Variants in ADAMTS17 observed in about 807,000 individuals in gnomAD.
ADAMTS17 encodes ADAM metallopeptidase with thrombospondin type 1 motif 17, also known as A disintegrin and metalloproteinase with thrombospondin motifs 17.
In ADAMTS17, 113 loss-of-function variants were observed where a neutral mutation model predicts 141.5. The ratio of observed to expected loss-of-function variants is 0.80; its 90% CI spans 0.69 to 0.93. ADAMTS17 has a LOEUF of 0.93. Among genes scored for constraint, ADAMTS17 ranks in the 40% least tolerant of loss-of-function variants. The probability of loss-of-function intolerance (pLI) is 0.00; values close to 1 mark genes in which losing one functional copy is unlikely to be tolerated. For missense variants in ADAMTS17, 1,659 were observed against 1,517.9 expected, an observed-to-expected ratio of 1.09 and a Z score of -1.54; for synonymous variants, 768 against 630.6, an observed-to-expected ratio of 1.22 and a Z score of -3.27.
intron 20 of ADAMTS17, among the ~76,000 whole-genome samples, chr15:99,984,460 G>A (rs777315109): frequency 8.5e-5 from 13 of 152,216 alleles, no homozygotes; most frequent in Admixed American, 2.0e-4. Flanking sequence ...CTTCGAACAC[G>A]TGAACACTTT....
chr15:100,020,165 C>G (rs886674996), intron 18 of ADAMTS17, among the ~76,000 whole-genome samples: 4 of 152,202 alleles, frequency 2.6e-5, no homozygotes, highest in Admixed American at 2.6e-4. Flanking sequence ...GCTGGCCCAG[C>G]TGCCCGGCCC....
At chr15:100,066,393 T>TA (rs397691753) in intron 15 of ADAMTS17, among the ~76,000 whole-genome samples, 105 of 152,078 alleles carry the variant, frequency 6.9e-4, no homozygotes, top group African/African-American at 1.1e-3. Context: ...TTTTTTTTTT[T>TA]AAATTATTTC....
At chr15:100,308,986 A>G (rs779390637) in intron 3 of ADAMTS17, among the ~76,000 whole-genome samples, 4 of 152,252 alleles carry the variant, frequency 2.6e-5, no homozygotes, top group Admixed American at 1.3e-4. Flanking sequence ...TCTGATTTTC[A>G]CAACTTAGAT....
At chr15:100,108,173 C>T (rs56077082) in intron 14 of ADAMTS17, among the ~76,000 whole-genome samples, 37,534 of 146,942 alleles carry the variant, frequency 0.26, 5,268 homozygotes, top group East Asian at 0.37. Context: ...TCTCGCATTC[C>T]TTTTTTTTTT....
intron 16 of ADAMTS17, among the ~76,000 whole-genome samples, chr15:100,053,685 A>G (rs561374552): frequency 8.0e-4 from 122 of 152,256 alleles, no homozygotes; most frequent in Admixed American, 2.2e-3. Context: ...AGGGGAAGCA[A>G]TGAGAGAATT....
Position 100,281,233 on chromosome 15 carries a change from T to C in ADAMTS17, c.785A>G (p.Asn262Ser). The change falls in exon 4 of 22, where the codon AAC (asparagine) becomes AGC (serine). Residue 262 changes from asparagine to serine, a missense_variant. By Grantham distance (46) the Asn-to-Ser change is conservative (BLOSUM62 1). Coordinates refer to ENST00000268070, the MANE Select transcript of ADAMTS17 (RefSeq NM_139057.4). The part of the protein sequence containing the change: ...AAQRFILTVM[N>S]MVYNMFQHQS... Reference sequence around the variant, plus strand: ...GGACCCCGGCTCCGGACTCACCATGTTCATGACGGTCAGGATGAACCTCTG... The same window carrying C: ...GGACCCCGGCTCCGGACTCACCATGCTCATGACGGTCAGGATGAACCTCTG... The C allele has an allele frequency of 1.9e-6, 3 of 1,604,828 alleles. No homozygotes were observed. The highest frequency in any genetic ancestry group is 2.2e-5 in the South Asian group (2 of 91,030).
chr15:100,142,016 T>C (rs58799298), intron 10 of ADAMTS17, among the ~76,000 whole-genome samples: 6,460 of 152,320 alleles, frequency 0.042, 166 homozygotes, highest in South Asian at 0.084. Flanking sequence ...CTCATTTAGA[T>C]GAGCAGTTTC....
At chr15:100,039,378 C>T (rs2031043242) in intron 18 of ADAMTS17, among the ~76,000 whole-genome samples, 1 of 152,144 alleles carries the variant, frequency 6.6e-6, no homozygotes, top group Admixed American at 6.5e-5. Context: ...TAAGTGTTTA[C>T]AGCCATAAAT....
At chr15:100,158,280 A>G (rs1002834152) in intron 8 of ADAMTS17, among the ~76,000 whole-genome samples, 5 of 152,204 alleles carry the variant, frequency 3.3e-5, no homozygotes, top group Non-Finnish European at 7.3e-5. Context: ...GTTTACTTAT[A>G]CACAAGTGCA....
At chr15:100,037,188 C>T (rs1473267781) in intron 18 of ADAMTS17, among the ~76,000 whole-genome samples, 2 of 152,162 alleles carry the variant, frequency 1.3e-5, no homozygotes, top group Non-Finnish European at 2.9e-5. Flanking sequence ...GTATGAAAGT[C>T]CTGACTTCTC....
intron 20 of ADAMTS17, among the ~76,000 whole-genome samples, chr15:99,983,183 C>G (rs1596151272): frequency 6.6e-6 from 1 of 152,168 alleles, no homozygotes; most frequent in Non-Finnish European, 1.5e-5. Context: ...CAGGGCCCAC[C>G]ACCTGCCTGT....
intron 18 of ADAMTS17, among the ~76,000 whole-genome samples, chr15:100,025,251 A>C (rs891683411): frequency 6.6e-6 from 1 of 152,132 alleles, no homozygotes. Context: ...TTTTGTCTAA[A>C]GTTAGGATTG....
intron 18 of ADAMTS17, among the ~76,000 whole-genome samples, chr15:100,025,313 G>A (rs1347874492): frequency 1.3e-5 from 2 of 151,708 alleles, no homozygotes; most frequent in Non-Finnish European, 2.9e-5. Context: ...TTTATTTTTA[G>A]CCTTTTTGAA....
intron 10 of ADAMTS17, among the ~76,000 whole-genome samples, chr15:100,139,215 T>C (rs2038498579): frequency 6.6e-6 from 1 of 152,044 alleles, no homozygotes; most frequent in Admixed American, 6.6e-5. Context: ...GGAGAAAATA[T>C]CCAAAATGTA....
intron 7 of ADAMTS17, among the ~76,000 whole-genome samples, chr15:100,230,252 C>G (rs4965603): frequency 0.41 from 62,304 of 152,178 alleles, 13,775 homozygotes; most frequent in Non-Finnish European, 0.5. Flanking sequence ...TTGCAGACCC[C>G]TATCTTTGTG....
In ADAMTS17 at chr15:100,228,039, C is replaced by CT. The variant is rs532070869; in HGVS notation, c.1075+26096dup. 6.0e-4 allele frequency among the ~76,000 whole-genome samples: 91 copies of CT among 152,342 alleles called. 2 individuals are homozygous for CT. The South Asian group carries it at 0.017, about 29-fold the overall frequency. ...AAAATCCACGACGCTTTGTGGAGCC[C>CT]TCAAGGCCCTGCAGATACAGCCCTG... On this transcript the variant is annotated intron_variant, in intron 7 of 21. Transcript: ENST00000268070.
chr15:100,238,316 C>G (rs77096245), intron 7 of ADAMTS17, among the ~76,000 whole-genome samples: 2 of 152,218 alleles, frequency 1.3e-5, no homozygotes, highest in African/African-American at 4.8e-5. Context: ...CAGCCTCCAT[C>G]CACACTCTAG....
At chr15:100,218,587 G>A (rs1226745918) in intron 7 of ADAMTS17, among the ~76,000 whole-genome samples, 1 of 152,208 alleles carries the variant, frequency 6.6e-6, no homozygotes, top group Non-Finnish European at 1.5e-5. Flanking sequence ...TGGCAAGAAT[G>A]CAGAGAAAAC....
chr15:100,260,280 G>T (rs2043470503), intron 6 of ADAMTS17, among the ~76,000 whole-genome samples: 1 of 152,188 alleles, frequency 6.6e-6, no homozygotes, highest in South Asian at 2.1e-4. Context: ...GCAACCAAAA[G>T]CCTTTCTTGA....
Sources: gnomAD v4.1 joint callset for allele counts (sites outside exome capture counted in the v4.1 genomes callset) on GRCh38, gnomAD v4.1.1 for gene constraint, MANE v1.5 for transcripts, NCBI Gene and HGNC (gene_info 2026-07-23, HGNC 2026-07-21) for gene names.